Variants in ADTRP observed in about 807,000 individuals in gnomAD.
ADTRP encodes the protein androgen dependent TFPI regulating protein.
In ADTRP, 20 loss-of-function variants were observed where a neutral mutation model predicts 27.0. That is an observed-to-expected ratio of 0.74 (90% CI 0.52 to 1.08). The LOEUF (loss-of-function observed/expected upper bound fraction) is 1.08, where lower values mean the gene tolerates loss of function less well. ADTRP is among the 50% of genes least tolerant of loss of function. The pLI is 0.00. For missense variants in ADTRP, 251 were observed against 275.0 expected (o/e 0.91, Z 0.62); for synonymous variants, 101 against 105.2 (o/e 0.96, Z 0.25).
intron 3 of ADTRP, among the ~76,000 whole-genome samples, chr6:11,755,953 C>T (rs1763202503): frequency 6.6e-6 from 1 of 152,180 alleles, no homozygotes; most frequent in South Asian, 2.1e-4. Context: ...GTTTATGTAT[C>T]TCTATTCTCC....
chr6:11,774,006 G>A (rs1476899388), intron 1 of ADTRP, among the ~76,000 whole-genome samples: 1 of 152,154 alleles, frequency 6.6e-6, no homozygotes, highest in Non-Finnish European at 1.5e-5. Context: ...CTGACTCCAC[G>A]TTGCTGAAGA....
Position 11,717,166 on chromosome 6 carries a change from C to A in ADTRP, c.659-2654G>T, listed in dbSNP as rs3765254. On this transcript the variant is annotated intron_variant, in intron 5 of 5. Transcript: ENST00000414691. The stretch of plus-strand genomic sequence containing the variant: ...AAATTATGTTTATTATAAATATTTT[C>A]TTGATTGAGAAGCATTTTTCCCAGT... 36,464 of 861,510 alleles carry A rather than the reference C, an allele frequency of 0.042. 2,626 individuals are homozygous for A. The East Asian group carries it at 0.47, about 11-fold the overall frequency. 53.4% of individuals were successfully genotyped at this position (861,510 alleles called of 1,614,324 possible).
chr6:11,732,148 A>G (rs1370935662), intron 4 of ADTRP, among the ~76,000 whole-genome samples: 1 of 152,172 alleles, frequency 6.6e-6, no homozygotes, highest in Non-Finnish European at 1.5e-5. Flanking sequence ...GAGCTCTTCA[A>G]TTTTGCAATC....
rs115353983 is a variant in ADTRP, at chr6:11,753,595, A to T, written c.390+12679T>A. ...GTGAAGTATTATTTTAAAATATGTC[A>T]GAAAGAGTATGCATATTAATTAAAA... On this transcript the variant is annotated intron_variant, in intron 3 of 5. Coordinates refer to ENST00000414691, the MANE Select transcript of ADTRP (RefSeq NM_032744.4). 4.3e-4 allele frequency among the ~76,000 whole-genome samples: 66 copies of T among 152,344 alleles called. 1 individual carries two copies. The highest frequency in any genetic ancestry group is 1.6e-3 in the African/African-American group (66 of 41,578).
chr6:11,720,645 G>A (rs1168202735), intron 5 of ADTRP, among the ~76,000 whole-genome samples: 3 of 152,028 alleles, frequency 2.0e-5, no homozygotes, highest in African/African-American at 7.2e-5. Flanking sequence ...CTAATTTTTT[G>A]TATTTTTAGT....
At chr6:11,766,708 C>A (rs1265424881) in intron 2 of ADTRP, among the ~76,000 whole-genome samples, 1 of 152,170 alleles carries the variant, frequency 6.6e-6, no homozygotes, top group Non-Finnish European at 1.5e-5. Context: ...ACTTCTTTTT[C>A]TAAACTTTCA....
intron 3 of ADTRP, among the ~76,000 whole-genome samples, chr6:11,741,306 A>C (rs1423014368): frequency 6.6e-6 from 1 of 152,248 alleles, no homozygotes; most frequent in African/African-American, 2.4e-5. Context: ...AAAAACAGTA[A>C]ACTATTAACA....
intron 3 of ADTRP, among the ~76,000 whole-genome samples, chr6:11,739,440 A>G (rs1219547108): frequency 1.3e-5 from 2 of 152,174 alleles, no homozygotes; most frequent in African/African-American, 2.4e-5. Context: ...TTTCTACTCA[A>G]TTATACCTTC....
At chr6:11,758,145 C>T (rs1169836312) in intron 3 of ADTRP, among the ~76,000 whole-genome samples, 2 of 152,204 alleles carry the variant, frequency 1.3e-5, no homozygotes, top group African/African-American at 2.4e-5. Context: ...GAAGTATGCT[C>T]ATGGCATTCA....
intron 4 of ADTRP, among the ~76,000 whole-genome samples, chr6:11,730,672 G>A (rs1180502076): frequency 6.6e-6 from 1 of 152,198 alleles, no homozygotes; most frequent in South Asian, 2.1e-4. Context: ...TTACCCTGGA[G>A]AGCACAGTAT....
chr6:11,725,776 GT>G (rs1485708578), intron 4 of ADTRP, among the ~76,000 whole-genome samples: 1 of 151,896 alleles, frequency 6.6e-6, no homozygotes, highest in Non-Finnish European at 1.5e-5. Context: ...GCAGGTGCCT[GT>G]AGTCCCAGCT....
At chr6:11,774,390 G>A (rs965330136) in intron 1 of ADTRP, among the ~76,000 whole-genome samples, 2 of 152,088 alleles carry the variant, frequency 1.3e-5, no homozygotes, top group African/African-American at 4.8e-5. Context: ...TGAAGTGGGT[G>A]CCATACTATA....
intron 3 of ADTRP, among the ~76,000 whole-genome samples, chr6:11,764,469 C>G (rs188928702): frequency 1.2e-4 from 19 of 152,162 alleles, no homozygotes; most frequent in African/African-American, 4.6e-4. Context: ...ATTTTAGTAA[C>G]AGCTAGCTCA....
intron 5 of ADTRP, among the ~76,000 whole-genome samples, chr6:11,720,476 T>TTC (rs1392394586): frequency 7.0e-6 from 1 of 143,430 alleles, no homozygotes; most frequent in African/African-American, 2.6e-5. Flanking sequence ...GGATATACCC[T>TTC]TTTCTTTTTT....
Position 11,765,319 on chromosome 6 carries a change from G to T in ADTRP, c.390+955C>A, listed in dbSNP as rs957349207. 5.4e-3 allele frequency among the ~76,000 whole-genome samples: 610 copies of T among 112,562 alleles called. 19 individuals are homozygous for T. The highest frequency in any genetic ancestry group is 0.042 in the Admixed American group (396 of 9,318). The allele number at this position is 112,562 out of a possible 152,430, so 73.8% of individuals were successfully genotyped here. On this transcript the variant is annotated intron_variant, in intron 3 of 5. Transcript: ENST00000414691. ...GCCACTTCCTTGTGCCTTTCCCCTG[G>T]TTTGTTTTTTTTTTTTTTTTTTTTT...
At chr6:11,717,653 G>T (rs1030371884) in intron 5 of ADTRP, among the ~76,000 whole-genome samples, 2 of 152,192 alleles carry the variant, frequency 1.3e-5, no homozygotes, top group Non-Finnish European at 1.5e-5. Flanking sequence ...TTGATGGTTG[G>T]GGGGATAGCA....
intron 3 of ADTRP, among the ~76,000 whole-genome samples, chr6:11,740,714 T>G (rs990029255): frequency 6.6e-6 from 1 of 152,258 alleles, no homozygotes. Flanking sequence ...CTACAATTTC[T>G]GCCTCTAACT....
intron 1 of ADTRP, among the ~76,000 whole-genome samples, chr6:11,769,349 T>A (rs1039050415): frequency 6.6e-6 from 1 of 152,056 alleles, no homozygotes; most frequent in Non-Finnish European, 1.5e-5. Flanking sequence ...AAGGTGGCTG[T>A]TGGGGAACAA....
intron 4 of ADTRP, among the ~76,000 whole-genome samples, chr6:11,730,760 G>A (rs1434031872): frequency 2.0e-5 from 3 of 152,234 alleles, no homozygotes; most frequent in African/African-American, 7.2e-5. Context: ...CCCCAAGGCT[G>A]GGTGACAGCT....
Sources: gnomAD v4.1 joint callset for allele counts (sites outside exome capture counted in the v4.1 genomes callset) on GRCh38, gnomAD v4.1.1 for gene constraint, MANE v1.5 for transcripts, NCBI Gene and HGNC (gene_info 2026-07-23, HGNC 2026-07-21) for gene names.